The following DRC5 variants were observed in gnomAD, a reference collection of about 807,000 sequenced individuals.
DRC5 encodes dynein regulatory complex subunit 5.
the DRC5 span, among the ~76,000 whole-genome samples, chr6:44,296,482 C>T: frequency 6.6e-6 from 1 of 152,232 alleles, no homozygotes; most frequent in African/African-American, 2.4e-5. Context: ...CTCAGGTCTT[C>T]TCCATCCTTC....
the DRC5 span, among the ~76,000 whole-genome samples, chr6:44,285,339 C>G: frequency 1.3e-5 from 2 of 152,152 alleles, no homozygotes; most frequent in Non-Finnish European, 2.9e-5. Context: ...TAAATAAGAA[C>G]GCCCCATGGA....
At chr6:44,297,143 C>T in the DRC5 span, among the ~76,000 whole-genome samples, 1 of 152,220 alleles carries the variant, frequency 6.6e-6, no homozygotes, top group Non-Finnish European at 1.5e-5. Context: ...GTCCCTCCCC[C>T]ATCCTACCTG....
At chr6:44,289,943 A>G in the DRC5 span, among the ~76,000 whole-genome samples, 1 of 152,178 alleles carries the variant, frequency 6.6e-6, no homozygotes, top group Non-Finnish European at 1.5e-5. Context: ...TGAACCAGCA[A>G]AGGCGTCCTT....
the DRC5 span, among the ~76,000 whole-genome samples, chr6:44,294,772 CAAAAAAA>C: frequency 6.8e-5 from 6 of 88,784 alleles, no homozygotes; most frequent in African/African-American, 2.8e-4. Context: ...AACTCTGTCT[CAAAAAAA>C]AAAAAAAAAA....
chr6:44,289,460 G>A, the DRC5 span, among the ~76,000 whole-genome samples: 1 of 152,084 alleles, frequency 6.6e-6, no homozygotes, highest in African/African-American at 2.4e-5. Context: ...AAAATTTGAT[G>A]GCTCAATGGG....
chr6:44,287,944 G>T, the DRC5 span: 35 of 1,354,914 alleles, frequency 2.6e-5, no homozygotes, highest in Admixed American at 9.3e-4. Context: ...GAGGGTAGAG[G>T]TGTTACTTTG....
At chr6:44,291,443 CG>C in the DRC5 span, among the ~76,000 whole-genome samples, 3 of 152,178 alleles carry the variant, frequency 2.0e-5, no homozygotes, top group Non-Finnish European at 4.4e-5. Flanking sequence ...CTTGCTGCCC[CG>C]CTGTCACTGT....
the DRC5 span, among the ~76,000 whole-genome samples, chr6:44,292,463 G>A: frequency 1.3e-5 from 2 of 152,094 alleles, no homozygotes; most frequent in Non-Finnish European, 2.9e-5. Flanking sequence ...CTGCCCACCC[G>A]TTCCCCACAC....
chr6:44,290,805 C>G, the DRC5 span, among the ~76,000 whole-genome samples: 4 of 152,138 alleles, frequency 2.6e-5, no homozygotes, highest in African/African-American at 9.7e-5. Flanking sequence ...CAGCACCATC[C>G]AGCTTCACCA....
the DRC5 span, among the ~76,000 whole-genome samples, chr6:44,296,898 C>T: frequency 1.6e-4 from 1 of 6,400 alleles, no homozygotes; most frequent in African/African-American, 1.9e-4. Flanking sequence ...GGGAATTCCA[C>T]TTGTGGAAGG....
chr6:44,284,359 T>C, the DRC5 span, among the ~76,000 whole-genome samples: 1 of 152,102 alleles, frequency 6.6e-6, no homozygotes, highest in Admixed American at 6.6e-5. Flanking sequence ...GCTCTTCTTC[T>C]TCCACTGAGA....
chr6:44,282,361 G>T, the DRC5 span: 1 of 1,614,212 alleles, frequency 6.2e-7, no homozygotes, highest in South Asian at 1.1e-5. Flanking sequence ...TGGGCACCGG[G>T]TGCACGCACC....
At chr6:44,281,710 C>G in the DRC5 span, among the ~76,000 whole-genome samples, 4 of 152,302 alleles carry the variant, frequency 2.6e-5, no homozygotes, top group East Asian at 7.7e-4. Flanking sequence ...TACTCTCAGA[C>G]TTGGTTAAGA....
chr6:44,279,945 C>A, the DRC5 span: 1 of 411,824 alleles, frequency 2.4e-6, no homozygotes, highest in Non-Finnish European at 4.3e-6. Flanking sequence ...TTGTGGGTGT[C>A]CAGTAATATC....
chr6:44,285,934 G>A, the DRC5 span: 3 of 1,576,694 alleles, frequency 1.9e-6, no homozygotes, highest in Non-Finnish European at 2.6e-6. Context: ...GCTGAGAAGG[G>A]GTGGGGGGAA....
chr6:44,296,941 G>GCCAGTTCACTTACTACAGCCCCTGGACT, the DRC5 span, among the ~76,000 whole-genome samples: 1 of 150,338 alleles, frequency 6.7e-6, no homozygotes, highest in African/African-American at 2.5e-5. Context: ...GCCTCGGCCC[G>GCCAGTTCACTTACTACAGCCCCTGGACT]TGTGCTTGGA....
At chr6:44,289,916 G>A in the DRC5 span, among the ~76,000 whole-genome samples, 80 of 152,292 alleles carry the variant, frequency 5.3e-4, 1 homozygote, top group South Asian at 0.014. Flanking sequence ...GGTAGTGGCC[G>A]GTGGGAGGGA....
chr6:44,281,009 C>G, the DRC5 span, among the ~76,000 whole-genome samples: 8 of 150,140 alleles, frequency 5.3e-5, no homozygotes, highest in Admixed American at 1.3e-4. Context: ...TCAACAGCAC[C>G]CCCTCTAGAA....
At chr6:44,285,368 T>C in the DRC5 span, among the ~76,000 whole-genome samples, 1 of 152,258 alleles carries the variant, frequency 6.6e-6, no homozygotes, top group Admixed American at 6.5e-5. Context: ...GACATACTTA[T>C]AAAAATTCTT....
Sources: gnomAD v4.1 joint callset for allele counts (sites outside exome capture counted in the v4.1 genomes callset) on GRCh38, gnomAD v4.1.1 for gene constraint, MANE v1.5 for transcripts, NCBI Gene and HGNC (gene_info 2026-07-23, HGNC 2026-07-21) for gene names.